Variants in SPAG16 observed in about 807,000 individuals in gnomAD.
SPAG16 encodes the protein sperm-associated antigen 16 protein.
Under a neutral mutation model 80.4 loss-of-function variants are expected in SPAG16, and 86 were observed. That is an observed-to-expected ratio of 1.07 (90% confidence interval 0.90 to 1.28). The LOEUF (loss-of-function observed/expected upper bound fraction) is 1.28, where lower values mean the gene tolerates loss of function less well. SPAG16 is among the 50% of genes most tolerant of loss of function. SPAG16 has a pLI of 0.00. For synonymous variants in SPAG16, 294 were observed against 265.9 expected, an observed-to-expected ratio of 1.11 and a Z score of -1.03; for missense variants, 870 against 765.3, an observed-to-expected ratio of 1.14 and a Z score of -1.61.
At chr2:213,839,733 T>C (rs1250062543) in intron 10 of SPAG16, among the ~76,000 whole-genome samples, 1 of 152,200 alleles carries the variant, frequency 6.6e-6, no homozygotes, top group East Asian at 1.9e-4. Context: ...GCAGCATGCA[T>C]ACTACCATGT....
At chr2:213,403,184 A>G (rs1381843991) in intron 9 of SPAG16, among the ~76,000 whole-genome samples, 1 of 152,128 alleles carries the variant, frequency 6.6e-6, no homozygotes, top group Non-Finnish European at 1.5e-5. Context: ...GCCAGTGATG[A>G]TGAGCATTTT....
chr2:214,074,969 A>G (rs1576078943), intron 13 of SPAG16, among the ~76,000 whole-genome samples: 1 of 152,128 alleles, frequency 6.6e-6, no homozygotes, highest in South Asian at 2.1e-4. Context: ...ACAACTTTAA[A>G]TTTCCATCAA....
chr2:213,799,971 A>G (rs528861765), intron 10 of SPAG16, among the ~76,000 whole-genome samples: 6 of 151,936 alleles, frequency 3.9e-5, no homozygotes, highest in African/African-American at 1.2e-4. Context: ...AAAAAAAAAA[A>G]AAAAAGAAAA....
chr2:213,562,278 C>G (rs2059618801), intron 10 of SPAG16, among the ~76,000 whole-genome samples: 1 of 152,094 alleles, frequency 6.6e-6, no homozygotes, highest in Non-Finnish European at 1.5e-5. Flanking sequence ...GAAATTTAAC[C>G]AAAATTATGT....
At chr2:213,649,782 G>T (rs757803636) in intron 10 of SPAG16, among the ~76,000 whole-genome samples, 1 of 151,970 alleles carries the variant, frequency 6.6e-6, no homozygotes, top group Non-Finnish European at 1.5e-5. Flanking sequence ...GTTCTTGTTT[G>T]GTTGCCCAGG....
At chr2:213,810,532 A>G (rs1426350490) in intron 10 of SPAG16, among the ~76,000 whole-genome samples, 2 of 152,206 alleles carry the variant, frequency 1.3e-5, no homozygotes, top group African/African-American at 2.4e-5. Flanking sequence ...TCCAAGTGGT[A>G]CAAATGTGAG....
chr2:214,075,391 CTT>C (rs1360931532), intron 13 of SPAG16, among the ~76,000 whole-genome samples: 1 of 151,788 alleles, frequency 6.6e-6, no homozygotes, highest in Non-Finnish European at 1.5e-5. Context: ...AAATTAAAAA[CTT>C]TATTGATAAA....
chr2:213,423,696 C>T (rs1465367575), intron 9 of SPAG16, among the ~76,000 whole-genome samples: 1 of 152,130 alleles, frequency 6.6e-6, no homozygotes, highest in Non-Finnish European at 1.5e-5. Context: ...TTGGTTCTTT[C>T]AACAATGCTG....
intron 10 of SPAG16, among the ~76,000 whole-genome samples, chr2:213,702,035 A>G (rs2065455245): frequency 6.6e-6 from 1 of 152,104 alleles, no homozygotes; most frequent in Non-Finnish European, 1.5e-5. Flanking sequence ...CTCACTAATC[A>G]ATGCTCTGTG....
intron 1 of SPAG16, among the ~76,000 whole-genome samples, chr2:213,295,675 T>G (rs910375937): frequency 5.3e-5 from 8 of 152,108 alleles, no homozygotes; most frequent in Non-Finnish European, 2.9e-5. Flanking sequence ...TCTGGAAAAT[T>G]CATTGTGGTT....
intron 10 of SPAG16, among the ~76,000 whole-genome samples, chr2:213,612,993 T>A (rs1300612807): frequency 6.6e-6 from 1 of 152,206 alleles, no homozygotes. Flanking sequence ...TTTAAAATGA[T>A]GGAATCATTA....
chr2:213,642,199 C>T (rs1486407479), intron 10 of SPAG16, among the ~76,000 whole-genome samples: 1 of 152,186 alleles, frequency 6.6e-6, no homozygotes, highest in African/African-American at 2.4e-5. Context: ...ATGGAGGTTG[C>T]AGCAGCAAGC....
intron 11 of SPAG16, among the ~76,000 whole-genome samples, chr2:213,920,342 T>C (rs772966981): frequency 2.0e-5 from 3 of 152,226 alleles, no homozygotes; most frequent in Non-Finnish European, 4.4e-5. Context: ...TAGCTTGTTA[T>C]GCAAGCTTGT....
chr2:213,829,215 A>T (rs935326087), intron 10 of SPAG16, among the ~76,000 whole-genome samples: 1 of 152,154 alleles, frequency 6.6e-6, no homozygotes, highest in African/African-American at 2.4e-5. Context: ...AAACCGTAAG[A>T]CAAAGTTCTT....
At chr2:214,080,874 AT>A (rs1445075000) in intron 13 of SPAG16, among the ~76,000 whole-genome samples, 1 of 151,826 alleles carries the variant, frequency 6.6e-6, no homozygotes, top group African/African-American at 2.4e-5. Context: ...AGGAAGGCTT[AT>A]AAAAATACAG....
At chr2:214,248,315 T>C (rs999338891) in intron 15 of SPAG16, among the ~76,000 whole-genome samples, 2 of 107,146 alleles carry the variant, frequency 1.9e-5, no homozygotes, top group Admixed American at 9.4e-5. Context: ...TTATTATTAT[T>C]ATTATTATTA....
At chr2:214,031,417 A>G (rs917174592) in intron 13 of SPAG16, among the ~76,000 whole-genome samples, 2 of 108,872 alleles carry the variant, frequency 1.8e-5, no homozygotes, top group African/African-American at 7.3e-5. Flanking sequence ...GAAGGGGAAC[A>G]TCACACTCTG....
chr2:213,337,516 G>A (rs1261150014), intron 5 of SPAG16, among the ~76,000 whole-genome samples: 1 of 152,146 alleles, frequency 6.6e-6, no homozygotes. Flanking sequence ...AACTAGTATA[G>A]AGAGGAATAT....
chr2:214,090,729 G>A (rs896494301), intron 13 of SPAG16, among the ~76,000 whole-genome samples: 2 of 151,798 alleles, frequency 1.3e-5, no homozygotes, highest in Admixed American at 6.6e-5. Flanking sequence ...ACATTGTTTC[G>A]AATATCCTGA....
Sources: gnomAD v4.1 joint callset for allele counts (sites outside exome capture counted in the v4.1 genomes callset) on GRCh38, gnomAD v4.1.1 for gene constraint, MANE v1.5 for transcripts, NCBI Gene and HGNC (gene_info 2026-07-23, HGNC 2026-07-21) for gene names.